ATOSB: variants seen among roughly 807,000 people sequenced by gnomAD.
ATOSB encodes the protein atos homolog protein B.
the ATOSB span, chr9:35,105,078 A>T: frequency 1.1e-6 from 1 of 884,076 alleles, no homozygotes; most frequent in Non-Finnish European, 1.7e-6. The surrounding 1 kb of genome is among the most constrained non-coding windows in gnomAD (Gnocchi z 5.5). Context: ...AGCTTTAAAC[A>T]CCCAAATAAT....
the ATOSB span, chr9:35,106,052 A>T: frequency 6.3e-7 from 1 of 1,588,768 alleles, no homozygotes; most frequent in Non-Finnish European, 8.6e-7. The surrounding 1 kb of genome is among the most constrained non-coding windows in gnomAD (Gnocchi z 4.6). Context: ...GGACTAGGAA[A>T]ACCCTGGGCC....
the ATOSB span, chr9:35,107,427 G>A: frequency 1.2e-6 from 2 of 1,614,072 alleles, no homozygotes. Context: ...CCAGAAGGGT[G>A]TGGCTTTGGC....
the ATOSB span, chr9:35,106,534 C>T: frequency 6.3e-7 from 1 of 1,582,216 alleles, no homozygotes; most frequent in East Asian, 2.3e-5. The surrounding 1 kb of genome is among the most constrained non-coding windows in gnomAD (Gnocchi z 4.6). Flanking sequence ...CCAACGGGAG[C>T]TACCTCAAAG....
the ATOSB span, chr9:35,107,948 C>T: frequency 5.6e-6 from 9 of 1,605,068 alleles, no homozygotes; most frequent in Admixed American, 1.5e-4. Flanking sequence ...CACCTAGTCC[C>T]AGCCCCGGTC....
the ATOSB span, chr9:35,105,264 A>G: frequency 6.2e-7 from 1 of 1,614,070 alleles, no homozygotes; most frequent in Non-Finnish European, 8.5e-7. This position sits in a 1 kb window ranked among gnomAD's most constrained non-coding sequence, Gnocchi z 5.5. Context: ...GGCCTCGGTC[A>G]CAGCCTGCAG....
chr9:35,108,028 G>A, the ATOSB span: 1 of 1,547,644 alleles, frequency 6.5e-7, no homozygotes. Context: ...CCCAGCCCAG[G>A]GCCTCTCTTC....
the ATOSB span, chr9:35,106,612 C>T: frequency 1.3e-6 from 2 of 1,560,580 alleles, no homozygotes; most frequent in Middle Eastern, 1.7e-4. This position sits in a 1 kb window ranked among gnomAD's most constrained non-coding sequence, Gnocchi z 4.6. Context: ...CTCAGCAGGC[C>T]TGGCCCCTTC....
At chr9:35,114,434 G>GC in the ATOSB span, among the ~76,000 whole-genome samples, 1 of 151,814 alleles carries the variant, frequency 6.6e-6, no homozygotes, top group African/African-American at 2.4e-5. Context: ...GAGGAGGCTG[G>GC]CTTGGGGCCC....
chr9:35,106,048 G>A, the ATOSB span: 11 of 1,590,948 alleles, frequency 6.9e-6, no homozygotes, highest in Non-Finnish European at 9.4e-6. The surrounding 1 kb of genome is among the most constrained non-coding windows in gnomAD (Gnocchi z 4.6). Flanking sequence ...GTGGGGACTA[G>A]GAAAACCCTG....
the ATOSB span, chr9:35,105,720 G>T: frequency 6.2e-7 from 1 of 1,613,988 alleles, no homozygotes; most frequent in Non-Finnish European, 8.5e-7. The surrounding 1 kb of genome is among the most constrained non-coding windows in gnomAD (Gnocchi z 5.5). Flanking sequence ...GGTGGGTGGG[G>T]TTAGCATTTC....
the ATOSB span, chr9:35,105,127 C>T: frequency 1.5e-6 from 2 of 1,371,064 alleles, no homozygotes; most frequent in South Asian, 1.5e-5. The surrounding 1 kb of genome is among the most constrained non-coding windows in gnomAD (Gnocchi z 5.5). Flanking sequence ...TTAATTCAAG[C>T]CTGAAGGGTC....
chr9:35,115,654 G>GC, the ATOSB span: 1 of 137,192 alleles, frequency 7.3e-6, no homozygotes, highest in Non-Finnish European at 1.5e-5. Context: ...CCCCATAGAG[G>GC]CCTCTGGAGA....
At chr9:35,104,640 G>A in the ATOSB span, 3 of 431,564 alleles carry the variant, frequency 7.0e-6, no homozygotes, top group African/African-American at 2.1e-5. Context: ...TAGGGGAAGT[G>A]AAGGGACTGG....
the ATOSB span, chr9:35,106,618 C>T: frequency 6.4e-7 from 1 of 1,558,216 alleles, no homozygotes; most frequent in South Asian, 1.2e-5. This position sits in a 1 kb window ranked among gnomAD's most constrained non-coding sequence, Gnocchi z 4.6. Context: ...AGGCCTGGCC[C>T]CTTCCGGAGG....
chr9:35,112,644 A>C, the ATOSB span, among the ~76,000 whole-genome samples: 1 of 152,166 alleles, frequency 6.6e-6, no homozygotes, highest in East Asian at 1.9e-4. Flanking sequence ...TAAGAAAAGC[A>C]ATAGTCCTGT....
At chr9:35,109,119 G>T in the ATOSB span, 1 of 152,306 alleles carries the variant, frequency 6.6e-6, no homozygotes, top group East Asian at 1.9e-4. Context: ...CCACCAAATT[G>T]CACAACTCCT....
chr9:35,106,796 C>A, the ATOSB span: 1 of 1,553,534 alleles, frequency 6.4e-7, no homozygotes. The surrounding 1 kb of genome is among the most constrained non-coding windows in gnomAD (Gnocchi z 4.6). Flanking sequence ...TGCCCCCATT[C>A]TCAGGGACAG....
At chr9:35,105,975 C>T in the ATOSB span, 1 of 1,614,042 alleles carries the variant, frequency 6.2e-7, no homozygotes, top group South Asian at 1.1e-5. The surrounding 1 kb of genome is among the most constrained non-coding windows in gnomAD (Gnocchi z 5.5). Context: ...CACGCTGTAA[C>T]CCTTCCTCCC....
chr9:35,107,205 C>A, the ATOSB span, among the ~76,000 whole-genome samples: 2 of 151,038 alleles, frequency 1.3e-5, no homozygotes, highest in African/African-American at 4.9e-5. Context: ...TGCCTGTGGT[C>A]CCAGATACTT....
Sources: gnomAD v4.1 joint callset for allele counts (sites outside exome capture counted in the v4.1 genomes callset) on GRCh38, gnomAD v4.1.1 for gene constraint, Gnocchi (gnomAD v3.1) non-coding constraint, MANE v1.5 for transcripts, NCBI Gene and HGNC (gene_info 2026-07-23, HGNC 2026-07-21) for gene names.